The following ESRRG variants were observed in gnomAD, a reference collection of about 807,000 sequenced individuals.
ESRRG encodes the protein estrogen related receptor gamma.
Under a neutral mutation model 44.0 loss-of-function variants are expected in ESRRG, and 13 were observed. That is an observed-to-expected ratio of 0.30 (90% CI 0.19 to 0.47). The LOEUF (loss-of-function observed/expected upper bound fraction) is 0.47, where lower values mean the gene tolerates loss of function less well. Among genes scored for constraint, ESRRG ranks in the 20% least tolerant of loss-of-function variants. The probability of loss-of-function intolerance (pLI) is 1.00; values close to 1 mark genes in which losing one functional copy is unlikely to be tolerated. For synonymous variants in ESRRG, 215 were observed against 214.6 expected (o/e 1.00, Z -0.02); for missense variants, 395 against 580.6 (o/e 0.68, Z 3.29).
At chr1:216,669,558 G>C (rs1053752170) in intron 2 of ESRRG, among the ~76,000 whole-genome samples, 1 of 152,196 alleles carries the variant, frequency 6.6e-6, no homozygotes, top group Non-Finnish European at 1.5e-5. Context: ...AATGCAAGAA[G>C]TGGAAAAGTC....
At chr1:216,816,325 G>A (rs933663580) in intron 2 of ESRRG, among the ~76,000 whole-genome samples, 1 of 152,022 alleles carries the variant, frequency 6.6e-6, no homozygotes, top group Non-Finnish European at 1.5e-5. Context: ...AAGTATGTGA[G>A]GTAATACACA....
chr1:216,798,474 G>T (rs1271021776), intron 2 of ESRRG, among the ~76,000 whole-genome samples: 1 of 152,092 alleles, frequency 6.6e-6, no homozygotes, highest in Non-Finnish European at 1.5e-5. Context: ...AGGGAAAGAG[G>T]ATGAAAAAGG....
chr1:216,574,697 A>G (rs373142315), intron 3 of ESRRG, among the ~76,000 whole-genome samples: 13 of 152,168 alleles, frequency 8.5e-5, no homozygotes, highest in African/African-American at 3.1e-4. Context: ...GCAAATATTC[A>G]CATTAAAGTA....
chr1:216,870,979 C>T (rs1303045703), intron 2 of ESRRG, among the ~76,000 whole-genome samples: 2 of 151,834 alleles, frequency 1.3e-5, no homozygotes, highest in Non-Finnish European at 2.9e-5. Context: ...CTGATTTAAA[C>T]TATTAATTTA....
intron 1 of ESRRG, among the ~76,000 whole-genome samples, chr1:217,025,587 C>A (rs1466755864): frequency 8.5e-5 from 13 of 152,158 alleles, no homozygotes. Context: ...TGCTAATGTT[C>A]TTCCTCCCAC....
intron 1 of ESRRG, among the ~76,000 whole-genome samples, chr1:217,097,886 C>T (rs914871033): frequency 1.3e-5 from 2 of 149,840 alleles, no homozygotes; most frequent in African/African-American, 4.9e-5. Flanking sequence ...TAGTTTATGA[C>T]CATGGTTCCT....
intron 3 of ESRRG, among the ~76,000 whole-genome samples, chr1:216,615,362 A>AT (rs762107919): frequency 1.5e-4 from 23 of 152,052 alleles, no homozygotes; most frequent in Non-Finnish European, 3.4e-4. Context: ...TCTTTGGCAT[A>AT]TTTTTCTACT....
At chr1:216,521,326 A>T (rs937257807) in intron 5 of ESRRG, among the ~76,000 whole-genome samples, 1 of 152,172 alleles carries the variant, frequency 6.6e-6, no homozygotes, top group Non-Finnish European at 1.5e-5. Context: ...TATTCACAAC[A>T]AACAAACAGA....
At chr1:216,873,209 GT>G (rs754735743) in intron 2 of ESRRG, among the ~76,000 whole-genome samples, 143 of 105,930 alleles carry the variant, frequency 1.3e-3, no homozygotes, top group East Asian at 5.7e-3. Context: ...CATCTTTTCA[GT>G]TTTTTTTTTT....
chr1:216,875,817 C>A (rs192602834), intron 2 of ESRRG, among the ~76,000 whole-genome samples: 61 of 152,190 alleles, frequency 4.0e-4, no homozygotes, highest in African/African-American at 1.4e-3. Context: ...ATATGTACAG[C>A]ATTAGTACAT....
At chr1:216,983,058 T>G (rs2074258563) in intron 1 of ESRRG, among the ~76,000 whole-genome samples, 1 of 147,418 alleles carries the variant, frequency 6.8e-6, no homozygotes, top group Non-Finnish European at 1.5e-5. Context: ...TTTTTAACTG[T>G]CTAAGCCTAA....
intron 3 of ESRRG, among the ~76,000 whole-genome samples, chr1:216,585,793 C>T (rs1380565735): frequency 6.6e-6 from 1 of 152,122 alleles, no homozygotes; most frequent in Non-Finnish European, 1.5e-5. Context: ...CTTTTCCCAG[C>T]ATTTTGGGAG....
intron 1 of ESRRG, among the ~76,000 whole-genome samples, chr1:217,009,696 CT>C (rs2078257148): frequency 7.3e-6 from 1 of 136,810 alleles, no homozygotes; most frequent in East Asian, 2.2e-4. Context: ...TTTCCTTTTT[CT>C]TTTTCTTTTT....
At position 216,986,739 on chromosome 1, in the gene ESRRG, TA is replaced by T. The variant is rs200669463; in HGVS notation, c.-105-47067del. Among the ~76,000 whole-genome samples, 522 of 151,738 alleles carry T rather than the reference TA, an allele frequency of 3.4e-3. 3 individuals are homozygous for T. Among genetic ancestry groups the T allele is most frequent in the Admixed American group, 0.025 (377 of 15,224 alleles). On this transcript the variant is annotated intron_variant, in intron 1 of 7. Coordinates refer to the ESRRG transcript ENST00000359162. ...GAGACTCTGCCTCAAAATAAATAAA[TA>T]AAATGAACTAAAAGAAGAAAAAGGG...
At chr1:216,554,381 G>T (rs2057072807) in intron 5 of ESRRG, among the ~76,000 whole-genome samples, 1 of 151,894 alleles carries the variant, frequency 6.6e-6, no homozygotes, top group Non-Finnish European at 1.5e-5. Flanking sequence ...TTGAACCCAG[G>T]AGGTGGAGGT....
chr1:216,800,911 G>A (rs1224547751), intron 2 of ESRRG, among the ~76,000 whole-genome samples: 1 of 151,812 alleles, frequency 6.6e-6, no homozygotes, highest in African/African-American at 2.4e-5. Flanking sequence ...AACTGAATAG[G>A]AATTATAAGA....
chr1:217,023,892 A>T (rs1186825621), intron 1 of ESRRG, among the ~76,000 whole-genome samples: 1 of 152,226 alleles, frequency 6.6e-6, no homozygotes, highest in East Asian at 1.9e-4. Flanking sequence ...GTCACCATGC[A>T]TGGCAATGCA....
chr1:216,830,233 T>C (rs975869024), intron 2 of ESRRG, among the ~76,000 whole-genome samples: 3 of 152,146 alleles, frequency 2.0e-5, no homozygotes, highest in Non-Finnish European at 2.9e-5. Flanking sequence ...CGGTGACAAA[T>C]ACGACTCAGC....
intron 1 of ESRRG, among the ~76,000 whole-genome samples, chr1:216,983,041 T>TTG (rs1330497860): frequency 6.6e-6 from 1 of 151,686 alleles, no homozygotes; most frequent in South Asian, 2.1e-4. Flanking sequence ...GTTTTTTTTT[T>TTG]TTTTTTTTTT....
Sources: gnomAD v4.1 joint callset for allele counts (sites outside exome capture counted in the v4.1 genomes callset) on GRCh38, gnomAD v4.1.1 for gene constraint, MANE v1.5 for transcripts, NCBI Gene and HGNC (gene_info 2026-07-23, HGNC 2026-07-21) for gene names.